The following SYTL2 variants were observed in gnomAD, a reference collection of about 807,000 sequenced individuals.
The protein encoded by SYTL2 is synaptotagmin like 2.
A neutral mutation model predicts 198.7 loss-of-function variants in SYTL2; 165 were observed. The observed-to-expected ratio is 0.83, with a 90% CI of 0.73 to 0.94. SYTL2 has a LOEUF of 0.94. Ranked by LOEUF, SYTL2 falls within the 40% of genes least tolerant of loss-of-function variation. The pLI is 0.00. For missense variants in SYTL2, 2,835 were observed against 2,582.8 expected (o/e 1.10, Z -2.12); for synonymous variants, 966 against 917.7 (o/e 1.05, Z -0.95).
chr11:85,732,095 C>T (rs796451031), intron 7 of SYTL2, among the ~76,000 whole-genome samples: 5 of 152,148 alleles, frequency 3.3e-5, no homozygotes, highest in East Asian at 1.9e-4. Context: ...AGGAAACAAC[C>T]GATGCTGGAG....
intron 15 of SYTL2, among the ~76,000 whole-genome samples, chr11:85,706,565 C>T (rs760261010): frequency 6.6e-6 from 1 of 152,142 alleles, no homozygotes; most frequent in Admixed American, 6.5e-5. Context: ...ATATTCCAGC[C>T]TGAAGGAACA....
rs113300110 is a variant in SYTL2, at chr11:85,697,875, T to C, written c.6368+104A>G. The C allele has an allele frequency of 6.1e-4, 412 of 671,990 alleles. 5 individuals are homozygous for C. Among genetic ancestry groups the C allele is most frequent in the African/African-American group, 4.6e-3 (253 of 55,018 alleles). 41.6% of individuals were successfully genotyped at this position (671,990 alleles called of 1,614,324 possible). A position where few individuals can be genotyped will look rare whatever the true frequency, so the allele number is the denominator to read the frequency against. On this transcript the variant is annotated intron_variant, in intron 18 of 19. Transcript: ENST00000359152. ...CTCCATTATCCCAAGTAAATTCATT[T>C]AAATTATGAATGATGAGTCAGTATT... is the stretch of plus-strand genomic sequence containing the variant.
At chr11:85,853,528 G>C in the SYTL2 span, 7 of 229,586 alleles carry the variant, frequency 3.0e-5, no homozygotes, top group African/African-American at 1.4e-4. Flanking sequence ...CACTGCGGAA[G>C]GCCACAGGGT....
chr11:85,803,898 TGACACA>T (rs1319111597), intron 1 of SYTL2, among the ~76,000 whole-genome samples: 4 of 152,256 alleles, frequency 2.6e-5, no homozygotes, highest in African/African-American at 9.6e-5. Context: ...GCAAAGGGAC[TGACACA>T]GAGTATGCAC....
intron 1 of SYTL2, among the ~76,000 whole-genome samples, chr11:85,769,394 G>T (rs1251000947): frequency 2.0e-5 from 3 of 152,158 alleles, no homozygotes; most frequent in Non-Finnish European, 4.4e-5. Flanking sequence ...GATGGAGGAA[G>T]GGGCCATGAG....
chr11:85,727,922 C>A lies in SYTL2; in HGVS notation c.1436G>T (p.Gly479Val), dbSNP rs1197229100. Residue 479 changes from glycine to valine, a missense_variant, in exon 8 of 20, where the codon GGT becomes GTT. Transcript: ENST00000359152. ...CVEPEPSQVP[G>V]GSSRDRQQGK... ...TTGCTGACGGTCTCTAGAACTGCCA[C>A]CTGGCACCTGAGATGGCTCAGGCTC... is the stretch of plus-strand genomic sequence containing the variant. 1.2e-6 allele frequency: 2 copies of A among 1,613,290 alleles called. No individual in the cohort carries two copies. Among genetic ancestry groups the A allele is most frequent in the Admixed American group, 3.3e-5 (2 of 59,814 alleles).
At chr11:85,705,940 C>G (rs1444833445) in intron 15 of SYTL2, among the ~76,000 whole-genome samples, 3 of 152,142 alleles carry the variant, frequency 2.0e-5, no homozygotes, top group African/African-American at 7.2e-5. Context: ...GTTGATTTAA[C>G]TGCTTATTTT....
chr11:85,722,154 G>A (rs7124851), intron 8 of SYTL2, among the ~76,000 whole-genome samples: 8,006 of 148,626 alleles, frequency 0.054, 725 homozygotes, highest in African/African-American at 0.19. Context: ...TGTCTTCTCT[G>A]GGCTCTGTTT....
chr11:85,823,593 T>C, the SYTL2 span, among the ~76,000 whole-genome samples: 3 of 152,232 alleles, frequency 2.0e-5, no homozygotes, highest in Non-Finnish European at 2.9e-5. Context: ...AAGTTTCCTA[T>C]TTTTAAAACA....
chr11:85,797,082 T>C (rs2153638421), intron 1 of SYTL2, among the ~76,000 whole-genome samples: 1 of 152,232 alleles, frequency 6.6e-6, no homozygotes, highest in African/African-American at 2.4e-5. Context: ...TCCTAGCTAC[T>C]CAGAAGGCTG....
the SYTL2 span, among the ~76,000 whole-genome samples, chr11:85,843,626 C>G: frequency 0.011 from 1,690 of 152,164 alleles, 35 homozygotes; most frequent in African/African-American, 0.038. Context: ...TAGACACTAA[C>G]TAGGTGGAGA....
chr11:85,847,386 C>CT, the SYTL2 span, among the ~76,000 whole-genome samples: 19 of 149,036 alleles, frequency 1.3e-4, no homozygotes, highest in Non-Finnish European at 1.8e-4. Context: ...TCCCCCCACC[C>CT]TTTTTTTTTT....
chr11:85,812,371 C>T (rs1228290664), upstream of SYTL2, among the ~76,000 whole-genome samples: 1 of 152,182 alleles, frequency 6.6e-6, no homozygotes, highest in East Asian at 1.9e-4. Context: ...CTAGCCTGGC[C>T]CAAGAGTCCT....
chr11:85,777,465 C>A (rs2092470353), intron 1 of SYTL2, among the ~76,000 whole-genome samples: 1 of 152,160 alleles, frequency 6.6e-6, no homozygotes, highest in Non-Finnish European at 1.5e-5. Context: ...TTGCTACCAA[C>A]ACTCAAGAAT....
At chr11:85,798,806 G>A (rs1281872752) in intron 1 of SYTL2, among the ~76,000 whole-genome samples, 3 of 152,220 alleles carry the variant, frequency 2.0e-5, no homozygotes, top group African/African-American at 7.2e-5. Context: ...ATGGGGACAA[G>A]TCATGTAGGC....
At chr11:85,719,259 C>T in intron 9 of SYTL2, 1 of 1,173,774 alleles carries the variant, frequency 8.5e-7, no homozygotes, top group East Asian at 5.9e-5. Flanking sequence ...TCACATATGC[C>T]TCTGGGAGGC....
Position 85,804,819 on chromosome 11 carries a change from G to T in SYTL2, c.-390+6135C>A, listed in dbSNP as rs150966362. ...ACCTCTAGGTGCCATAACAGCAGTAGATCTATCATATTTGCATTTGAATGC... is the reference window on the plus strand; with the variant it reads ...ACCTCTAGGTGCCATAACAGCAGTATATCTATCATATTTGCATTTGAATGC... On this transcript the variant is annotated intron_variant, in intron 1 of 19. Transcript: ENST00000359152. Among the ~76,000 whole-genome samples, 194 of 152,272 alleles carry T rather than the reference G, an allele frequency of 1.3e-3. 3 individuals carry two copies. Among genetic ancestry groups the T allele is most frequent in the Admixed American group, 0.012 (184 of 15,294 alleles).
chr11:85,706,166 A>G (rs1314961025), intron 15 of SYTL2, among the ~76,000 whole-genome samples: 1 of 152,246 alleles, frequency 6.6e-6, no homozygotes, highest in African/African-American at 2.4e-5. Context: ...AAGGATCAAG[A>G]TTTATTAAAT....
intron 4 of SYTL2, among the ~76,000 whole-genome samples, chr11:85,739,213 T>G (rs1330605156): frequency 6.7e-6 from 1 of 150,222 alleles, no homozygotes; most frequent in Non-Finnish European, 1.5e-5. Flanking sequence ...ATTGAGCCAG[T>G]GCCAGGAGAA....
Sources: gnomAD v4.1 joint callset for allele counts (sites outside exome capture counted in the v4.1 genomes callset) on GRCh38, gnomAD v4.1.1 for gene constraint, MANE v1.5 for transcripts, NCBI Gene and HGNC (gene_info 2026-07-23, HGNC 2026-07-21) for gene names.